Variants in ZNF133 observed in about 807,000 individuals in gnomAD.
The protein encoded by ZNF133 is zinc finger protein 133 (clone pHZ-13).
In ZNF133, 26 loss-of-function variants were observed where a neutral mutation model predicts 54.9. The ratio of observed to expected loss-of-function variants is 0.47; its 90% confidence interval spans 0.35 to 0.66. ZNF133 has a LOEUF of 0.66. Ranked by LOEUF, ZNF133 falls within the 30% of genes least tolerant of loss-of-function variation. The pLI is 0.01. For synonymous variants in ZNF133, 298 were observed against 320.3 expected, an observed-to-expected ratio of 0.93 and a Z score of 0.74; for missense variants, 653 against 820.8, an observed-to-expected ratio of 0.80 and a Z score of 2.50.
At chr20:18,310,080 T>G (rs966052719) in intron 6 of ZNF133, 1 of 1,171,940 alleles carries the variant, frequency 8.5e-7, no homozygotes, top group Non-Finnish European at 1.1e-6. Flanking sequence ...TCAAAACATT[T>G]ATATTAATAA....
intron 3 of ZNF133, 82 bp downstream of exon 3, chr20:18,298,546 C>G (rs2042691827): frequency 6.3e-6 from 1 of 158,966 alleles, no homozygotes; most frequent in African/African-American, 2.4e-5. Context: ...AGGTAGCTGT[C>G]CTATATTCCT....
chr20:18,294,889 C>T (rs1369295888), intron 1 of ZNF133, among the ~76,000 whole-genome samples: 1 of 152,134 alleles, frequency 6.6e-6, no homozygotes, highest in Non-Finnish European at 1.5e-5. Flanking sequence ...TCGAATTTTG[C>T]TTCAATATTT....
chr20:18,314,095 A>C (rs1453026511), intron 6 of ZNF133: 1 of 152,258 alleles, frequency 6.6e-6, no homozygotes, highest in African/African-American at 2.4e-5. Flanking sequence ...GGTTCTGCTC[A>C]TTGTAATTAG....
chr20:18,307,808 CA>C (rs1409278567), intron 6 of ZNF133, among the ~76,000 whole-genome samples: 1 of 152,130 alleles, frequency 6.6e-6, no homozygotes. Flanking sequence ...TCCTTCATTT[CA>C]CTTATTTTTC....
intron 6 of ZNF133, among the ~76,000 whole-genome samples, chr20:18,307,551 A>T (rs2044925924): frequency 6.6e-6 from 1 of 152,214 alleles, no homozygotes; most frequent in Admixed American, 6.5e-5. Flanking sequence ...TTTCACTGTG[A>T]TGTGACTGCC....
intron 3 of ZNF133, among the ~76,000 whole-genome samples, chr20:18,302,404 C>CA (rs71194236): frequency 2.0e-3 from 229 of 114,558 alleles, no homozygotes; most frequent in Admixed American, 3.9e-3. Context: ...AACTCTGTCT[C>CA]AAAAAAAAAA....
chr20:18,309,777 C>T (rs2045448974), intron 6 of ZNF133, among the ~76,000 whole-genome samples: 1 of 152,152 alleles, frequency 6.6e-6, no homozygotes, highest in African/African-American at 2.4e-5. Flanking sequence ...GTGGAAGCCA[C>T]ATTACAAAAC....
At position 18,316,591 on chromosome 20, in the gene ZNF133, CAG is replaced by C. The variant is rs749497124; in HGVS notation, c.1745_1746del (p.Glu582ValfsTer59). 25 of 1,613,958 alleles carry C rather than the reference CAG, an allele frequency of 1.5e-5. No individual in the cohort carries two copies. The highest frequency in any genetic ancestry group is 4.5e-5 in the East Asian group (2 of 44,864). On this transcript the variant is annotated frameshift_variant, in exon 7 of 7. Coordinates refer to ENST00000425686, the MANE Select transcript of ZNF133 (RefSeq NM_001352452.2). LOFTEE classifies it high-confidence loss of function. Reference protein sequence around the residue: ...AHSEEKPCVCRECGQGFLQKS... With the variant: ...AHSEEKPCVCXECGQGFLQKS... The stretch of plus-strand genomic sequence containing the variant: ...ACTCGGAAGAGAAGCCTTGTGTGTG[CAG>C]AGAGTGTGGCCAAGGCTTTCTCCAA...
intron 6 of ZNF133, chr20:18,306,738 C>A (rs907483806): frequency 7.5e-7 from 1 of 1,341,454 alleles, no homozygotes; most frequent in South Asian, 1.3e-5. Context: ...CTGTGACCTA[C>A]AGAAAGAAGG....
At chr20:18,301,875 A>G in intron 3 of ZNF133, among the ~76,000 whole-genome samples, 1 of 152,168 alleles carries the variant, frequency 6.6e-6, no homozygotes, top group East Asian at 1.9e-4. Flanking sequence ...AACTTCTCCA[A>G]AAGTATTGAA....
chr20:18,305,098 A>G lies in ZNF133; in HGVS notation c.-87A>G. ...ATAGGATGCAAAGATGAATTTTTGG[A>G]CTGAGTGGCCAAGAAGCTCCATGGT... is the stretch of plus-strand genomic sequence containing the variant. On this transcript the variant is annotated 5_prime_UTR_variant, in exon 4 of 7. Coordinates refer to ENST00000425686, the MANE Select transcript of ZNF133 (RefSeq NM_001352452.2). The surrounding 1 kb of genome is among the most constrained non-coding windows in gnomAD (Gnocchi z 4.7). The G allele has an allele frequency of 1.0e-6, 1 of 985,620 alleles. No individual in the cohort carries two copies. The highest frequency in any genetic ancestry group is 1.7e-5 in the African/African-American group (1 of 57,356). 61.1% of individuals were successfully genotyped at this position (985,620 alleles called of 1,614,324 possible).
At chr20:18,310,439 A>T in intron 6 of ZNF133, 2 of 997,244 alleles carry the variant, frequency 2.0e-6, no homozygotes, top group South Asian at 2.1e-5. Flanking sequence ...CATTAATCAG[A>T]ATGCTAATTC....
chr20:18,296,218 A>G (rs1019879853), intron 1 of ZNF133, among the ~76,000 whole-genome samples: 2 of 152,106 alleles, frequency 1.3e-5, no homozygotes, highest in Non-Finnish European at 2.9e-5. Flanking sequence ...AATGCTCATC[A>G]TCAGTCTTTT....
intron 1 of ZNF133, among the ~76,000 whole-genome samples, chr20:18,291,744 G>A (rs371780808): frequency 2.7e-5 from 4 of 145,774 alleles, no homozygotes; most frequent in African/African-American, 7.7e-5. Flanking sequence ...CAGGAGTCTC[G>A]CTCTATCGCC....
chr20:18,316,658 G>A lies in ZNF133; in HGVS notation c.1807G>A (p.Glu603Lys), dbSNP rs753254813. 9.3e-6 allele frequency: 15 copies of A among 1,614,024 alleles called. No homozygotes were observed. Among genetic ancestry groups the A allele is most frequent in the Non-Finnish European group, 1.2e-5 (14 of 1,180,054 alleles). Residue 603 changes from glutamate (E) to lysine (K), a missense_variant, in exon 7 of 7, where the codon GAG becomes AAG. Glu to Lys is a moderately conservative substitution (Grantham distance 56, BLOSUM62 1). Coordinates refer to ENST00000425686, the MANE Select transcript of ZNF133 (RefSeq NM_001352452.2). ...CTTACATCAAATGACACATACGGGG[G>A]AGAAGCCATATGTGTGCAAGACGTG... Reference protein sequence around the residue: ...LTLHQMTHTGEKPYVCKTCGR... With the variant: ...LTLHQMTHTGKKPYVCKTCGR...
intron 3 of ZNF133, among the ~76,000 whole-genome samples, chr20:18,300,939 G>T (rs1207477793): frequency 6.6e-6 from 1 of 152,008 alleles, no homozygotes; most frequent in African/African-American, 2.4e-5. Flanking sequence ...CTTGAACAAG[G>T]TGTAAATCCA....
chr20:18,312,646 C>T (rs2147795455), intron 6 of ZNF133: 1 of 152,348 alleles, frequency 6.6e-6, no homozygotes, highest in South Asian at 2.1e-4. Flanking sequence ...AGAGCTTCAG[C>T]TGCAGCAAGA....
At position 18,315,094 on chromosome 20, in the gene ZNF133, C is replaced by T. The variant is rs201716091; in HGVS notation, c.243C>T (p.Leu81=). ...CAGATCCAGAGCCAGAGCTCTACCTCGATCCTTTCTGCCCTCCGGGTTTCT... is the reference window on the plus strand; with the variant it reads ...CAGATCCAGAGCCAGAGCTCTACCTTGATCCTTTCTGCCCTCCGGGTTTCT... ...CPADPEPELY[L]DPFCPPGFSS... Residue 81 remains leucine, a synonymous_variant, in exon 7 of 7, where the codon CTC becomes CTT. Coordinates refer to ENST00000425686, the MANE Select transcript of ZNF133 (RefSeq NM_001352452.2). The T allele has an allele frequency of 1.5e-5, 23 of 1,548,104 alleles. No individual in the cohort carries two copies. The highest frequency in any genetic ancestry group is 9.7e-5 in the Admixed American group (5 of 51,390).
chr20:18,291,494 C>T (rs1450784506), intron 1 of ZNF133, among the ~76,000 whole-genome samples: 1 of 152,166 alleles, frequency 6.6e-6, no homozygotes, highest in Non-Finnish European at 1.5e-5. Context: ...TCCTCTGTCT[C>T]CTTTACTGGC....
Sources: gnomAD v4.1 joint callset for allele counts (sites outside exome capture counted in the v4.1 genomes callset) on GRCh38, gnomAD v4.1.1 for gene constraint, Gnocchi (gnomAD v3.1) non-coding constraint, MANE v1.5 for transcripts, NCBI Gene and HGNC (gene_info 2026-07-23, HGNC 2026-07-21) for gene names.